The following CRTC1 variants were observed in gnomAD, a reference collection of about 807,000 sequenced individuals.
The protein encoded by CRTC1 is CREB-regulated transcription coactivator 1.
In CRTC1, 18 loss-of-function variants were observed where a neutral mutation model predicts 66.1. The observed-to-expected ratio is 0.27, with a 90% CI of 0.19 to 0.40. The LOEUF (loss-of-function observed/expected upper bound fraction) is 0.40, where lower values mean the gene tolerates loss of function less well. Among genes scored for constraint, CRTC1 ranks in the 10% least tolerant of loss-of-function variants. The pLI is 1.00. For missense variants in CRTC1, 669 were observed against 887.9 expected (o/e 0.75, Z 3.13); for synonymous variants, 416 against 398.8 (o/e 1.04, Z -0.51).
Position 18,752,735 on chromosome 19 carries a change from G to A in CRTC1, c.539-765G>A, listed in dbSNP as rs536117895. ...AGCTCACTGCAACCTCTGCCTCCCC[G>A]GTTCAAGCAATTCTGCCTCAGCCTC... On this transcript the variant is annotated intron_variant, in intron 5 of 13. Coordinates refer to ENST00000321949, the MANE Select transcript of CRTC1 (RefSeq NM_015321.3). Among the ~76,000 whole-genome samples the A allele has an allele frequency of 1.7e-3, 263 of 151,248 alleles. 2 individuals are homozygous for A. The highest frequency in any genetic ancestry group is 5.6e-3 in the African/African-American group (230 of 41,224).
chr19:18,751,786 G>T (rs1290995021), intron 5 of CRTC1, among the ~76,000 whole-genome samples: 1 of 152,070 alleles, frequency 6.6e-6, no homozygotes, highest in Non-Finnish European at 1.5e-5. Flanking sequence ...CTTGGTGCCG[G>T]GGGCTCAATA....
chr19:18,759,530 C>G (rs1222791784), intron 6 of CRTC1, 21 bp from the exon 7 acceptor site: 5 of 1,611,210 alleles, frequency 3.1e-6, no homozygotes, highest in Non-Finnish European at 4.2e-6. Flanking sequence ...AGGGCTCAGG[C>G]TCTCCTGTCT....
At chr19:18,721,950 G>T (rs1308464566) in intron 1 of CRTC1, among the ~76,000 whole-genome samples, 3 of 152,212 alleles carry the variant, frequency 2.0e-5, no homozygotes, top group African/African-American at 7.2e-5. Context: ...CCTCCTCTGG[G>T]TCTGCCCAGG....
chr19:18,689,604 A>G (rs2052780224), intron 1 of CRTC1, among the ~76,000 whole-genome samples: 1 of 68,818 alleles, frequency 1.5e-5, no homozygotes, highest in Non-Finnish European at 2.5e-5. Context: ...AACACTTACC[A>G]TTTTGACGTT....
intron 5 of CRTC1, among the ~76,000 whole-genome samples, chr19:18,752,123 C>G (rs2054376277): frequency 6.8e-6 from 1 of 145,998 alleles, no homozygotes. Flanking sequence ...GCACTCCAGC[C>G]TGGGTGGGAG....
rs555357695 is a variant in CRTC1, at chr19:18,721,971, A to G, written c.127-20939A>G. Reference sequence around the variant, plus strand: ...CTGGGTCTGCCCAGGAGGTGCTGTGACGTACTTCACCCCATGATCCAGCAC... The same window carrying G: ...CTGGGTCTGCCCAGGAGGTGCTGTGGCGTACTTCACCCCATGATCCAGCAC... On this transcript the variant is annotated intron_variant, in intron 1 of 13. Coordinates refer to ENST00000321949, the MANE Select transcript of CRTC1 (RefSeq NM_015321.3). 2.0e-5 allele frequency among the ~76,000 whole-genome samples: 3 copies of G among 152,284 alleles called. No homozygotes were observed. In the South Asian group the frequency reaches 6.2e-4, roughly 32 times the overall value.
At chr19:18,693,403 C>A (rs1355654499) in intron 1 of CRTC1, among the ~76,000 whole-genome samples, 1 of 146,402 alleles carries the variant, frequency 6.8e-6, no homozygotes, top group African/African-American at 2.6e-5. Flanking sequence ...AAAAAAAATT[C>A]ATTTTTCATG....
intron 1 of CRTC1, among the ~76,000 whole-genome samples, chr19:18,710,334 C>T (rs1600807839): frequency 6.6e-6 from 1 of 152,214 alleles, no homozygotes; most frequent in South Asian, 2.1e-4. Flanking sequence ...CCCCGTTCCT[C>T]GACGTCCCTC....
chr19:18,761,368 G>C (rs554813478), intron 8 of CRTC1, among the ~76,000 whole-genome samples: 360 of 152,282 alleles, frequency 2.4e-3, no homozygotes, highest in Non-Finnish European at 3.0e-3. Flanking sequence ...ACTAGTCCTG[G>C]GGGGTGGGAC....
At chr19:18,746,969 G>T in intron 3 of CRTC1, 84 bp from the exon 4 acceptor site, 3 of 1,371,806 alleles carry the variant, frequency 2.2e-6, no homozygotes, top group Non-Finnish European at 3.1e-6. Context: ...CAGCCAGCCA[G>T]CCGGGGCTTC....
chr19:18,772,697 G>T (rs757445078), intron 11 of CRTC1, among the ~76,000 whole-genome samples: 13 of 152,182 alleles, frequency 8.5e-5, no homozygotes, highest in Admixed American at 2.6e-4. Context: ...GGCCGTCTGG[G>T]ACCACTGCCT....
At chr19:18,753,052 T>C (rs1033881891) in intron 5 of CRTC1, among the ~76,000 whole-genome samples, 1 of 151,322 alleles carries the variant, frequency 6.6e-6, no homozygotes, top group Non-Finnish European at 1.5e-5. Flanking sequence ...GATCATGAGG[T>C]CAGGAGATCG....
intron 2 of CRTC1, among the ~76,000 whole-genome samples, chr19:18,745,510 A>C (rs1050754165): frequency 6.6e-6 from 1 of 152,156 alleles, no homozygotes; most frequent in African/African-American, 2.4e-5. Context: ...GGCCGGCTAC[A>C]TCCCTGGCAC....
intron 6 of CRTC1, among the ~76,000 whole-genome samples, chr19:18,754,242 T>C (rs2054436480): frequency 6.6e-6 from 1 of 152,224 alleles, no homozygotes; most frequent in Admixed American, 6.5e-5. Context: ...TGCTCCAGGC[T>C]GTGCATGGCT....
chr19:18,777,030 C>A lies in CRTC1; in HGVS notation c.1694-141C>A, dbSNP rs1353713771. On this transcript the variant is annotated intron_variant, in intron 13 of 13. Coordinates refer to ENST00000321949, the MANE Select transcript of CRTC1 (RefSeq NM_015321.3). The surrounding 1 kb of genome is among the most constrained non-coding windows in gnomAD (Gnocchi z 5.5). ...CTCATGTGCTGGCCCCTCCCCCAGT[C>A]ATGACAGCTGGAATGTCCCCAGACA... 4 of 621,850 alleles carry A rather than the reference C, an allele frequency of 6.4e-6. No homozygotes were observed. The highest frequency in any genetic ancestry group is 1.2e-5 in the Non-Finnish European group (4 of 347,308). The allele number at this position is 621,850 out of a possible 1,614,324, so 38.5% of individuals were successfully genotyped here.
intron 6 of CRTC1, among the ~76,000 whole-genome samples, chr19:18,757,289 G>A (rs1211851309): frequency 1.3e-5 from 2 of 152,126 alleles, no homozygotes; most frequent in Non-Finnish European, 2.9e-5. Flanking sequence ...GCCCCTACCT[G>A]GAGCCTGTAG....
At chr19:18,710,769 G>A (rs2145580710) in intron 1 of CRTC1, among the ~76,000 whole-genome samples, 2 of 152,254 alleles carry the variant, frequency 1.3e-5, no homozygotes, top group East Asian at 3.9e-4. Flanking sequence ...CCGCCACTGT[G>A]CCCGGCTAAT....
chr19:18,776,075 C>G (rs1435934321), intron 13 of CRTC1, among the ~76,000 whole-genome samples: 2 of 152,318 alleles, frequency 1.3e-5, no homozygotes, highest in African/African-American at 4.8e-5. Context: ...TCACTCTCCC[C>G]TCTCGGCGGC....
intron 4 of CRTC1, among the ~76,000 whole-genome samples, chr19:18,747,855 T>G (rs995493979): frequency 6.6e-6 from 1 of 152,132 alleles, no homozygotes; most frequent in Non-Finnish European, 1.5e-5. Flanking sequence ...ACGCAGGCGA[T>G]CAGTTGAACC....
Sources: gnomAD v4.1 joint callset for allele counts (sites outside exome capture counted in the v4.1 genomes callset) on GRCh38, gnomAD v4.1.1 for gene constraint, Gnocchi (gnomAD v3.1) non-coding constraint, MANE v1.5 for transcripts, NCBI Gene and HGNC (gene_info 2026-07-23, HGNC 2026-07-21) for gene names.